MGMT: variants seen among roughly 807,000 people sequenced by gnomAD.
The protein encoded by MGMT is methylated-DNA--protein-cysteine methyltransferase.
A neutral mutation model predicts 15.9 loss-of-function variants in MGMT; 14 were observed. That is an observed-to-expected ratio of 0.88 (90% CI 0.58 to 1.37). MGMT has a LOEUF of 1.37. Ranked by LOEUF, MGMT falls within the 40% of genes most tolerant of loss-of-function variation. MGMT has a pLI of 0.00. For missense variants in MGMT, 282 were observed against 268.1 expected, an observed-to-expected ratio of 1.05 and a Z score of -0.36; for synonymous variants, 130 against 118.2, an observed-to-expected ratio of 1.10 and a Z score of -0.65.
intron 2 of MGMT, among the ~76,000 whole-genome samples, chr10:129,582,246 C>T (rs1477654424): frequency 6.6e-6 from 1 of 152,176 alleles, no homozygotes; most frequent in Non-Finnish European, 1.5e-5. Flanking sequence ...TGTACTCCAC[C>T]CCGCCTTCTA....
intron 1 of MGMT, among the ~76,000 whole-genome samples, chr10:129,527,729 C>G (rs1845886145): frequency 6.6e-6 from 1 of 151,868 alleles, no homozygotes; most frequent in South Asian, 2.1e-4. Flanking sequence ...CCACCCTTGA[C>G]ACGCCTGGAA....
chr10:129,766,065 A>G (rs1279753113), intron 4 of MGMT, among the ~76,000 whole-genome samples: 2 of 152,214 alleles, frequency 1.3e-5, no homozygotes, highest in Non-Finnish European at 2.9e-5. Flanking sequence ...CTGGCCATAA[A>G]GAAGCAGTTG....
intron 2 of MGMT, among the ~76,000 whole-genome samples, chr10:129,549,505 A>G (rs1589861388): frequency 6.6e-6 from 1 of 152,190 alleles, no homozygotes; most frequent in Non-Finnish European, 1.5e-5. Flanking sequence ...AAATGTTCCT[A>G]ATGTGGGGTC....
chr10:129,587,355 T>C (rs1042115635), intron 2 of MGMT, among the ~76,000 whole-genome samples: 6 of 151,352 alleles, frequency 4.0e-5, no homozygotes, highest in Non-Finnish European at 8.8e-5. Flanking sequence ...TTTGGTAGTT[T>C]CTATTATGTT....
At position 129,761,766 on chromosome 10, in the gene MGMT, G is replaced by A. The variant is rs190439859; in HGVS notation, c.414+2425G>A. Among the ~76,000 whole-genome samples the A allele has an allele frequency of 9.2e-5, 14 of 152,288 alleles. No homozygotes were observed. In the East Asian group the frequency reaches 2.5e-3, roughly 27 times the overall value. On this transcript the variant is annotated intron_variant, in intron 4 of 4. Transcript: ENST00000651593. ...GGCACCAAGTCTCGCCCTTCTCGGCGTCCACATGCCTCCTGTGCCGAGGGC... is the reference window on the plus strand; with the variant it reads ...GGCACCAAGTCTCGCCCTTCTCGGCATCCACATGCCTCCTGTGCCGAGGGC...
intron 4 of MGMT, among the ~76,000 whole-genome samples, chr10:129,760,587 C>T (rs985081894): frequency 3.3e-5 from 5 of 152,170 alleles, no homozygotes; most frequent in Non-Finnish European, 7.3e-5. Context: ...CAGCCTGCTG[C>T]TCCTGCTGCC....
chr10:129,484,231 CT>C (rs1245120706), intron 1 of MGMT, among the ~76,000 whole-genome samples: 1 of 152,160 alleles, frequency 6.6e-6, no homozygotes. Context: ...CCTGCCTCCC[CT>C]TTTTCTGAGG....
rs79180312 is a variant in MGMT at position 129,692,626 on chromosome 10, G to A, written c.126-15269G>A. Among the ~76,000 whole-genome samples, 1,047 of 152,318 alleles carry A rather than the reference G, an allele frequency of 6.9e-3. 18 individuals carry two copies. The highest frequency in any genetic ancestry group is 0.023 in the African/African-American group (964 of 41,566). On this transcript the variant is annotated intron_variant, in intron 2 of 4. Coordinates refer to ENST00000651593, the MANE Select transcript of MGMT (RefSeq NM_002412.5). The stretch of plus-strand genomic sequence containing the variant: ...TGCCCCATCGTTGAGGGATGGGGAC[G>A]CAAGGGCAGCGAGGAGGTCCTGTGG...
At chr10:129,654,491 G>A (rs933356393) in intron 2 of MGMT, among the ~76,000 whole-genome samples, 3 of 152,148 alleles carry the variant, frequency 2.0e-5, no homozygotes, top group African/African-American at 7.2e-5. Context: ...ACATACCCCT[G>A]CTCACTCTGA....
At chr10:129,615,568 G>A (rs977553867) in intron 2 of MGMT, among the ~76,000 whole-genome samples, 30 of 152,180 alleles carry the variant, frequency 2.0e-4, no homozygotes, top group Non-Finnish European at 4.4e-4. Context: ...TGCCTCATCC[G>A]GAACATTCCT....
At chr10:129,666,969 A>G (rs937205081) in intron 2 of MGMT, among the ~76,000 whole-genome samples, 1 of 152,250 alleles carries the variant, frequency 6.6e-6, no homozygotes, top group African/African-American at 2.4e-5. Context: ...CCAGCCTTAC[A>G]TAATTGAGAT....
rs558313970 is a variant in MGMT at position 129,505,310 on chromosome 10, G to A, written c.-12-30931G>A. On this transcript the variant is annotated intron_variant, in intron 1 of 4. Coordinates refer to ENST00000651593, the MANE Select transcript of MGMT (RefSeq NM_002412.5). ...ATTATGATAGCCTACTTTGACTCTT[G>A]GTTTGTAAAAATGAAAGTATAATAC... Among the ~76,000 whole-genome samples, 96 of 152,168 alleles carry A rather than the reference G, an allele frequency of 6.3e-4. 5 individuals are homozygous for A. The South Asian group carries it at 0.02, about 31-fold the overall frequency.
rs1589864969 is a variant in MGMT, at chr10:129,556,693, G to T, written c.125+20316G>T. Among the ~76,000 whole-genome samples the T allele has an allele frequency of 1.3e-5, 2 of 152,316 alleles. No homozygotes were observed. Among genetic ancestry groups the T allele is most frequent in the Non-Finnish European group, 2.9e-5 (2 of 68,024 alleles). ...AGTCAGGACGGGCAGGAGCGTTCTA[G>T]GCAAATGATGAAAATGGTATTTTAC... On this transcript the variant is annotated intron_variant, in intron 2 of 4. Coordinates refer to ENST00000651593, the MANE Select transcript of MGMT (RefSeq NM_002412.5). The surrounding 1 kb of genome is among the most constrained non-coding windows in gnomAD (Gnocchi z 4.3).
intron 2 of MGMT, among the ~76,000 whole-genome samples, chr10:129,663,130 A>G (rs1034778467): frequency 6.6e-6 from 1 of 152,226 alleles, no homozygotes; most frequent in East Asian, 1.9e-4. Context: ...ACAAAAGCTT[A>G]TCAAAAATTA....
At chr10:129,740,059 A>C (rs1411806453) in intron 3 of MGMT, among the ~76,000 whole-genome samples, 1 of 152,220 alleles carries the variant, frequency 6.6e-6, no homozygotes, top group Non-Finnish European at 1.5e-5. Context: ...GGGAAATCTA[A>C]AGATGTTTAA....
chr10:129,738,228 C>T (rs922778782), intron 3 of MGMT, among the ~76,000 whole-genome samples: 43 of 152,324 alleles, frequency 2.8e-4, no homozygotes, highest in Middle Eastern at 3.4e-3. Flanking sequence ...TAGGACCCTC[C>T]AAGCCAGGTG....
intron 2 of MGMT, among the ~76,000 whole-genome samples, chr10:129,644,199 G>T (rs1847359772): frequency 6.6e-6 from 1 of 152,148 alleles, no homozygotes; most frequent in Non-Finnish European, 1.5e-5. Flanking sequence ...AGGGGAGCCA[G>T]GTCTGTCTTA....
At chr10:129,660,436 A>AC (rs1847582745) in intron 2 of MGMT, among the ~76,000 whole-genome samples, 1 of 151,936 alleles carries the variant, frequency 6.6e-6, no homozygotes, top group Admixed American at 6.6e-5. Flanking sequence ...CAAAGCTGAT[A>AC]CCCCATCAAA....
chr10:129,594,389 T>A (rs1376215865), intron 2 of MGMT, among the ~76,000 whole-genome samples: 2 of 152,192 alleles, frequency 1.3e-5, no homozygotes, highest in East Asian at 3.9e-4. Flanking sequence ...GGAAAGAGAT[T>A]TAAAGATTTT....
Sources: gnomAD v4.1 joint callset for allele counts (sites outside exome capture counted in the v4.1 genomes callset) on GRCh38, gnomAD v4.1.1 for gene constraint, Gnocchi (gnomAD v3.1) non-coding constraint, MANE v1.5 for transcripts, NCBI Gene and HGNC (gene_info 2026-07-23, HGNC 2026-07-21) for gene names.